NREP: variants seen among roughly 807,000 people sequenced by gnomAD.
NREP encodes the protein neuronal regeneration-related protein.
NREP carries 5 observed loss-of-function variants against 8.6 expected under a neutral mutation model. The observed-to-expected ratio is 0.58, with a 90% confidence interval of 0.30 to 1.22. NREP has a LOEUF of 1.22. NREP is among the 50% of genes most tolerant of loss of function. The probability of loss-of-function intolerance (pLI) is 0.07; values close to 1 mark genes in which losing one functional copy is unlikely to be tolerated. For synonymous variants in NREP, 27 were observed against 28.0 expected (o/e 0.96, Z 0.11); for missense variants, 86 against 82.5 (o/e 1.04, Z -0.17).
intron 2 of NREP, among the ~76,000 whole-genome samples, chr5:111,956,414 C>T (rs1377420534): frequency 4.0e-5 from 6 of 151,276 alleles, no homozygotes; most frequent in African/African-American, 1.5e-4. Flanking sequence ...TATTAAAAAG[C>T]TCAAAGAATT....
At chr5:111,920,030 C>G (rs957056001) in intron 2 of NREP, among the ~76,000 whole-genome samples, 21 of 146,922 alleles carry the variant, frequency 1.4e-4, no homozygotes, top group Non-Finnish European at 2.5e-4. Flanking sequence ...AAGTTTTCTT[C>G]CCTTTTGCAG....
At chr5:111,917,325 T>C (rs1392053677) in intron 2 of NREP, among the ~76,000 whole-genome samples, 1 of 151,808 alleles carries the variant, frequency 6.6e-6, no homozygotes, top group African/African-American at 2.4e-5. Context: ...TTCCAAACAA[T>C]AGAAAAAGAG....
At chr5:111,931,485 C>A (rs368968541) in intron 2 of NREP, among the ~76,000 whole-genome samples, 18 of 152,226 alleles carry the variant, frequency 1.2e-4, no homozygotes, top group East Asian at 9.7e-4. Context: ...TGGAAGCCGA[C>A]CTTCCAGCCT....
intron 2 of NREP, among the ~76,000 whole-genome samples, chr5:111,865,516 C>A (rs551266211): frequency 1.3e-5 from 2 of 152,264 alleles, no homozygotes; most frequent in East Asian, 3.9e-4. Flanking sequence ...TCTACTGAAT[C>A]ACCTCGCCCA....
intron 2 of NREP, among the ~76,000 whole-genome samples, chr5:111,865,286 C>A (rs1240754877): frequency 1.3e-5 from 2 of 152,134 alleles, no homozygotes; most frequent in Admixed American, 1.3e-4. Flanking sequence ...ATAGCTCACA[C>A]AACAAGACAA....
intron 3 of NREP, chr5:111,734,860 ATTGT>A (rs1397065062): frequency 8.6e-6 from 4 of 463,690 alleles, no homozygotes; most frequent in African/African-American, 4.0e-5. Context: ...AGTAGTTGTT[ATTGT>A]TTGTTTCAGA....
chr5:111,798,798 T>C (rs1249433642), intron 2 of NREP, among the ~76,000 whole-genome samples: 2 of 151,534 alleles, frequency 1.3e-5, no homozygotes, highest in Non-Finnish European at 2.9e-5. Context: ...TATACATATA[T>C]ATCACAGTTT....
At position 111,847,117 on chromosome 5, in the gene NREP, T is replaced by C. The variant is rs564909725; in HGVS notation, c.136-111610A>G. 3.9e-5 allele frequency among the ~76,000 whole-genome samples: 6 copies of C among 152,218 alleles called. No individual in the cohort carries two copies. In the East Asian group the frequency reaches 1.2e-3, roughly 29 times the overall value. Reference sequence around the variant, plus strand: ...TAAAATGAAGACATGACACACTTTTTTTTTTTTTTACACACTGTCTTGGTT... The same window carrying C: ...TAAAATGAAGACATGACACACTTTTCTTTTTTTTTACACACTGTCTTGGTT... On this transcript the variant is annotated intron_variant, in intron 2 of 3. Coordinates refer to the NREP transcript ENST00000395634.
intron 2 of NREP, among the ~76,000 whole-genome samples, chr5:111,974,872 A>G (rs1212123113): frequency 1.3e-5 from 2 of 152,228 alleles, no homozygotes; most frequent in Non-Finnish European, 2.9e-5. Flanking sequence ...GAAAGCTAAG[A>G]CATACCGTCT....
intron 2 of NREP, among the ~76,000 whole-genome samples, chr5:111,913,442 A>G (rs1754968817): frequency 6.6e-6 from 1 of 152,132 alleles, no homozygotes; most frequent in Non-Finnish European, 1.5e-5. Context: ...GACCTTGAAT[A>G]AATGGAACCC....
At chr5:111,866,911 C>T (rs1338392666) in intron 2 of NREP, among the ~76,000 whole-genome samples, 16 of 151,406 alleles carry the variant, frequency 1.1e-4, no homozygotes, top group South Asian at 4.2e-4. Context: ...AACCAAACAC[C>T]GCATGTTCTC....
At chr5:111,825,403 C>A (rs1050704939) in intron 2 of NREP, among the ~76,000 whole-genome samples, 1 of 152,084 alleles carries the variant, frequency 6.6e-6, no homozygotes, top group Non-Finnish European at 1.5e-5. Context: ...GCTCCCTATG[C>A]TTTTTTCATT....
At chr5:111,758,051 G>A (rs1013090962), upstream of NREP, 13 of 985,458 alleles carry the variant, frequency 1.3e-5, no homozygotes, top group Non-Finnish European at 1.6e-5. Flanking sequence ...GCGGCGGCGC[G>A]GAGCCGCGCT....
chr5:111,976,887 T>A (rs1201824502), exon 1 of NREP: 18 of 611,258 alleles, frequency 2.9e-5, no homozygotes, highest in Middle Eastern at 5.2e-4. Flanking sequence ...ATGATTGCAC[T>A]GCCTGGAAAA....
At chr5:111,909,951 A>G (rs1754868506) in intron 2 of NREP, among the ~76,000 whole-genome samples, 1 of 152,100 alleles carries the variant, frequency 6.6e-6, no homozygotes, top group Non-Finnish European at 1.5e-5. Flanking sequence ...TTATGATTAA[A>G]TGCCTGGGCC....
chr5:111,838,719 G>A (rs1010428459), intron 2 of NREP, among the ~76,000 whole-genome samples: 1 of 146,058 alleles, frequency 6.8e-6, no homozygotes, highest in Non-Finnish European at 1.6e-5. Context: ...ATATATATGT[G>A]TGTGTGTTTG....
At chr5:111,742,724 A>G (rs1749759992) in intron 2 of NREP, among the ~76,000 whole-genome samples, 1 of 152,110 alleles carries the variant, frequency 6.6e-6, no homozygotes, top group Non-Finnish European at 1.5e-5. Context: ...ACAGCCAGCT[A>G]ATTCAAGCAT....
At chr5:111,900,475 A>G (rs558480459) in intron 2 of NREP, among the ~76,000 whole-genome samples, 1 of 152,172 alleles carries the variant, frequency 6.6e-6, no homozygotes, top group East Asian at 1.9e-4. Flanking sequence ...CAAGAAAATG[A>G]AAAGTTTTTT....
At chr5:111,955,769 G>T (rs998841689) in intron 2 of NREP, among the ~76,000 whole-genome samples, 1 of 151,970 alleles carries the variant, frequency 6.6e-6, no homozygotes, top group East Asian at 1.9e-4. Context: ...GAAATGTCAC[G>T]ATTTTGAGCT....
Sources: allele counts gnomAD v4.1 joint callset (sites outside exome capture counted in the v4.1 genomes callset), GRCh38; gene constraint gnomAD v4.1.1; transcripts MANE v1.5; gene names NCBI Gene and HGNC (gene_info 2026-07-23, HGNC 2026-07-21).